Variants in REDIC1 observed in about 807,000 individuals in gnomAD.
REDIC1 encodes regulator of DNA class I crossover intermediates 1.
chr12:39,768,620 C>T, the REDIC1 span, among the ~76,000 whole-genome samples: 23 of 152,036 alleles, frequency 1.5e-4, no homozygotes, highest in African/African-American at 5.6e-4. Flanking sequence ...AAGGAAACAG[C>T]TGGTTGGTGG....
the REDIC1 span, among the ~76,000 whole-genome samples, chr12:39,772,749 G>A: frequency 5.2e-3 from 787 of 152,214 alleles, 5 homozygotes; most frequent in African/African-American, 0.017. Flanking sequence ...AGTTCCTAGG[G>A]TGATCTCCTG....
the REDIC1 span, among the ~76,000 whole-genome samples, chr12:39,883,006 T>C: frequency 6.6e-6 from 1 of 152,184 alleles, no homozygotes; most frequent in Admixed American, 6.6e-5. Context: ...AGTGTTTATT[T>C]ACATGAATGA....
chr12:39,685,419 T>C, the REDIC1 span, among the ~76,000 whole-genome samples: 1 of 151,570 alleles, frequency 6.6e-6, no homozygotes, highest in Non-Finnish European at 1.5e-5. Flanking sequence ...AGAGAGTGAG[T>C]AGGGAGGTGC....
At chr12:39,681,345 A>T in the REDIC1 span, among the ~76,000 whole-genome samples, 2 of 152,184 alleles carry the variant, frequency 1.3e-5, no homozygotes, top group Non-Finnish European at 2.9e-5. Context: ...GATGAGGGAT[A>T]AAAGACTATA....
the REDIC1 span, among the ~76,000 whole-genome samples, chr12:39,653,374 CT>C: frequency 2.1e-4 from 32 of 151,722 alleles, 1 homozygote; most frequent in Admixed American, 2.1e-3. Flanking sequence ...AATCTTACAT[CT>C]TTTGACTTTG....
chr12:39,862,134 G>C, the REDIC1 span, among the ~76,000 whole-genome samples: 1 of 152,150 alleles, frequency 6.6e-6, no homozygotes, highest in African/African-American at 2.4e-5. Context: ...ATTCAGTCCA[G>C]AGAATTGAAT....
the REDIC1 span, among the ~76,000 whole-genome samples, chr12:39,786,214 G>T: frequency 1.3e-5 from 2 of 152,132 alleles, no homozygotes; most frequent in Non-Finnish European, 2.9e-5. Context: ...AGGTACCCAG[G>T]GGGAGGTAAT....
chr12:39,798,169 C>A, the REDIC1 span, among the ~76,000 whole-genome samples: 2 of 152,166 alleles, frequency 1.3e-5, no homozygotes, highest in African/African-American at 2.4e-5. Flanking sequence ...GCCTGTCGGA[C>A]AACAACCAGC....
At chr12:39,766,952 G>T in the REDIC1 span, among the ~76,000 whole-genome samples, 37 of 152,108 alleles carry the variant, frequency 2.4e-4, no homozygotes, top group East Asian at 6.8e-3. Context: ...ATCCATAAAG[G>T]TTGGAACAAC....
the REDIC1 span, chr12:39,830,573 T>C: frequency 1.3e-6 from 1 of 789,404 alleles, no homozygotes; most frequent in Non-Finnish European, 1.6e-6. Context: ...GACTGCCTCA[T>C]TGTGATCCAG....
chr12:39,645,391 T>A, the REDIC1 span, among the ~76,000 whole-genome samples: 7 of 151,998 alleles, frequency 4.6e-5, no homozygotes, highest in African/African-American at 1.7e-4. Flanking sequence ...TTTACTCCTT[T>A]AACAGGAAGA....
At chr12:39,671,939 A>AC in the REDIC1 span, among the ~76,000 whole-genome samples, 1 of 151,848 alleles carries the variant, frequency 6.6e-6, no homozygotes, top group Non-Finnish European at 1.5e-5. Flanking sequence ...TGATCCCCAG[A>AC]CCCCCAGGAG....
the REDIC1 span, among the ~76,000 whole-genome samples, chr12:39,711,817 A>G: frequency 3.0e-5 from 2 of 65,590 alleles, no homozygotes; most frequent in East Asian, 4.4e-4. Flanking sequence ...GTATGTGTGT[A>G]CACATGCATG....
the REDIC1 span, chr12:39,720,869 A>C: frequency 3.2e-5 from 52 of 1,613,122 alleles, no homozygotes; most frequent in South Asian, 4.8e-4. Flanking sequence ...AAAATGAATA[A>C]TTTTTATGTA....
At chr12:39,652,842 A>G in the REDIC1 span, among the ~76,000 whole-genome samples, 1 of 152,112 alleles carries the variant, frequency 6.6e-6, no homozygotes, top group Non-Finnish European at 1.5e-5. Flanking sequence ...TCAGAAATCA[A>G]TTGACTGTAA....
chr12:39,903,765 A>G, the REDIC1 span, among the ~76,000 whole-genome samples: 182 of 152,122 alleles, frequency 1.2e-3, no homozygotes, highest in African/African-American at 4.3e-3. Flanking sequence ...CTATTCCTAG[A>G]TTGTTCAGTT....
the REDIC1 span, among the ~76,000 whole-genome samples, chr12:39,786,524 T>C: frequency 1.3e-5 from 2 of 152,186 alleles, no homozygotes; most frequent in Admixed American, 6.5e-5. Context: ...TTCTAACTTA[T>C]AAGGGAAGAG....
chr12:39,896,478 ATG>A, the REDIC1 span, among the ~76,000 whole-genome samples: 4 of 138,310 alleles, frequency 2.9e-5, no homozygotes, highest in Non-Finnish European at 6.2e-5. Flanking sequence ...ATATATGTAT[ATG>A]TGTATATATG....
chr12:39,861,010 G>A, the REDIC1 span, among the ~76,000 whole-genome samples: 2 of 152,160 alleles, frequency 1.3e-5, no homozygotes, highest in African/African-American at 2.4e-5. Context: ...GCTCTGATCT[G>A]TCTTAATAGT....
Sources: gnomAD v4.1 joint callset for allele counts (sites outside exome capture counted in the v4.1 genomes callset) on GRCh38, gnomAD v4.1.1 for gene constraint, MANE v1.5 for transcripts, NCBI Gene and HGNC (gene_info 2026-07-23, HGNC 2026-07-21) for gene names.